The following GSE1 variants were observed in gnomAD, a reference collection of about 807,000 sequenced individuals.
GSE1 encodes the protein Gse1 coiled-coil protein.
GSE1 carries 32 observed loss-of-function variants against 112.6 expected under a neutral mutation model. The observed-to-expected ratio is 0.28, with a 90% CI of 0.21 to 0.38. GSE1 has a LOEUF of 0.38. Ranked by LOEUF, GSE1 falls within the 10% of genes least tolerant of loss-of-function variation. The pLI is 1.00. For synonymous variants in GSE1, 1,115 were observed against 735.6 expected (o/e 1.52, Z -8.35); for missense variants, 2,348 against 1,699.2 (o/e 1.38, Z -6.71).
chr16:85,337,334 C>T (rs1307620080), intron 1 of GSE1, among the ~76,000 whole-genome samples: 2 of 140,484 alleles, frequency 1.4e-5, no homozygotes, highest in Non-Finnish European at 3.0e-5. Flanking sequence ...GAGACGGAGT[C>T]TCGCTCTGTC....
chr16:85,588,737 T>C (rs2046825810), intron 1 of GSE1, among the ~76,000 whole-genome samples: 1 of 152,184 alleles, frequency 6.6e-6, no homozygotes, highest in Admixed American at 6.5e-5. Flanking sequence ...TGGCCGTTAT[T>C]AACAAGGAGC....
At chr16:85,346,854 G>T (rs59384536) in intron 1 of GSE1, among the ~76,000 whole-genome samples, 36,267 of 150,600 alleles carry the variant, frequency 0.24, 4,496 homozygotes, top group Non-Finnish European at 0.31. Context: ...GCAGGTGGAT[G>T]GGTGATGGAC....
intron 2 of GSE1, among the ~76,000 whole-genome samples, chr16:85,379,211 C>T (rs777971017): frequency 4.6e-5 from 7 of 152,198 alleles, no homozygotes; most frequent in South Asian, 2.1e-4. Flanking sequence ...GGGCCTCCTC[C>T]GCATGCAGTG....
At chr16:85,340,735 A>G (rs1314535077) in intron 1 of GSE1, among the ~76,000 whole-genome samples, 1 of 152,192 alleles carries the variant, frequency 6.6e-6, no homozygotes, top group East Asian at 1.9e-4. Flanking sequence ...GGGTTTAAGA[A>G]TGAACAGAGA....
At chr16:85,424,972 C>T (rs2048934725) in intron 2 of GSE1, among the ~76,000 whole-genome samples, 1 of 152,258 alleles carries the variant, frequency 6.6e-6, no homozygotes, top group Non-Finnish European at 1.5e-5. Flanking sequence ...AGCTCTGCCT[C>T]CCATGCCAGG....
intron 1 of GSE1, among the ~76,000 whole-genome samples, chr16:85,632,635 C>T (rs1270753691): frequency 1.3e-5 from 2 of 152,198 alleles, no homozygotes; most frequent in Non-Finnish European, 2.9e-5. Flanking sequence ...GGAGTGGGCT[C>T]TGGAGGCCAG....
intron 1 of GSE1, among the ~76,000 whole-genome samples, chr16:85,271,706 A>T (rs182669157): frequency 3.9e-5 from 6 of 152,256 alleles, no homozygotes; most frequent in Admixed American, 3.9e-4. Context: ...AGGTGCCATG[A>T]CCCACCACCT....
At chr16:85,631,204 C>G (rs141187032) in intron 1 of GSE1, among the ~76,000 whole-genome samples, 51 of 152,212 alleles carry the variant, frequency 3.4e-4, no homozygotes, top group Non-Finnish European at 7.2e-4. Context: ...AACCCGCAGC[C>G]TACTCGGTGT....
chr16:85,473,317 G>A (rs2050353594), intron 2 of GSE1, among the ~76,000 whole-genome samples: 1 of 152,222 alleles, frequency 6.6e-6, no homozygotes, highest in Non-Finnish European at 1.5e-5. Flanking sequence ...AGTTAGTGCA[G>A]GGGCAGGGCC....
intron 1 of GSE1, among the ~76,000 whole-genome samples, chr16:85,604,571 A>C (rs2047600877): frequency 6.7e-6 from 1 of 149,388 alleles, no homozygotes; most frequent in Non-Finnish European, 1.5e-5. Context: ...GTACACAGAG[A>C]CCACATTTTG....
chr16:85,266,582 A>G (rs963104626), intron 1 of GSE1, among the ~76,000 whole-genome samples: 12 of 152,114 alleles, frequency 7.9e-5, no homozygotes, highest in African/African-American at 2.9e-4. Context: ...CCCAGCAGAC[A>G]AGGGATGGAT....
Position 85,259,266 on chromosome 16 carries a change from G to GCCCTGTGCTCCACCCTGGCCCA in GSE1, c.2283+87514_2283+87535dup, listed in dbSNP as rs11274739. Among the ~76,000 whole-genome samples the GCCCTGTGCTCCACCCTGGCCCA allele has an allele frequency of 1.5e-4, 22 of 149,812 alleles. No individual in the cohort carries two copies. The East Asian group carries it at 1.8e-3, about 12-fold the overall frequency. On this transcript the variant is annotated intron_variant, in intron 1 of 2. Transcript: ENST00000637419. Reference sequence around the variant, plus strand: ...CCCCACTATGTGCAGCCCCCGTCCTGCCCTGTGCTCCACCCTGGCCCACCC... The same window carrying GCCCTGTGCTCCACCCTGGCCCA: ...CCCCACTATGTGCAGCCCCCGTCCTGCCCTGTGCTCCACCCTGGCCCACCCTGTGCTCCACCCTGGCCCACCC...
chr16:85,344,116 G>T (rs1222287847), intron 1 of GSE1, among the ~76,000 whole-genome samples: 2 of 152,202 alleles, frequency 1.3e-5, no homozygotes, highest in Admixed American at 6.5e-5. Flanking sequence ...TGGTCTGGGG[G>T]TGCGGATCTG....
intron 1 of GSE1, among the ~76,000 whole-genome samples, chr16:85,571,226 G>C (rs1268954548): frequency 6.6e-6 from 1 of 152,220 alleles, no homozygotes; most frequent in Non-Finnish European, 1.5e-5. Context: ...GGCCCGGGCG[G>C]CATCAGTGCT....
At chr16:85,665,565 C>T (rs1023779250) in intron 12 of GSE1, among the ~76,000 whole-genome samples, 22 of 148,706 alleles carry the variant, frequency 1.5e-4, no homozygotes, top group African/African-American at 4.1e-4. Flanking sequence ...TGGGCCCTGC[C>T]GGCACCTGCC....
At position 85,292,580 on chromosome 16, in the gene GSE1, GC is replaced by G. The variant is rs1481969934; in HGVS notation, c.2284-64877del. ...GTGACCTTGTGATCCACCTGCCTCG[GC>G]CCCCCAAAGTGCTGGGATTACAGGC... On this transcript the variant is annotated intron_variant, in intron 1 of 2. Coordinates refer to the GSE1 transcript ENST00000637419. Among the ~76,000 whole-genome samples the G allele has an allele frequency of 2.6e-5, 4 of 151,886 alleles. No homozygotes were observed. The South Asian group carries it at 6.3e-4, about 24-fold the overall frequency.
intron 1 of GSE1, among the ~76,000 whole-genome samples, chr16:85,613,975 C>T (rs1239462517): frequency 1.3e-5 from 2 of 151,778 alleles, no homozygotes; most frequent in East Asian, 3.9e-4. Context: ...GGACCGCAGC[C>T]TGCCGGGTTT....
At chr16:85,349,136 T>C (rs139182464) in intron 1 of GSE1, among the ~76,000 whole-genome samples, 1 of 152,314 alleles carries the variant, frequency 6.6e-6, no homozygotes, top group African/African-American at 2.4e-5. Context: ...ACTTTCCAAT[T>C]ACACCCGGTC....
At chr16:85,665,375 C>G (rs922105309) in intron 12 of GSE1, among the ~76,000 whole-genome samples, 5 of 152,250 alleles carry the variant, frequency 3.3e-5, no homozygotes, top group East Asian at 1.9e-4. Flanking sequence ...GTGCTGGTCA[C>G]TATGGTCGTA....
Sources: allele counts gnomAD v4.1 joint callset (sites outside exome capture counted in the v4.1 genomes callset), GRCh38; gene constraint gnomAD v4.1.1; transcripts MANE v1.5; gene names NCBI Gene and HGNC (gene_info 2026-07-23, HGNC 2026-07-21).